The following CENPE variants were observed in gnomAD, a reference collection of about 807,000 sequenced individuals.
The protein encoded by CENPE is centromere-associated protein E.
In CENPE, 145 loss-of-function variants were observed where a neutral mutation model predicts 336.1. That is an observed-to-expected ratio of 0.43 (90% CI 0.38 to 0.50). The LOEUF is 0.50. Among genes scored for constraint, CENPE ranks in the 20% least tolerant of loss-of-function variants. CENPE has a pLI of 0.00. For missense variants in CENPE, 2,719 were observed against 3,023.3 expected, an observed-to-expected ratio of 0.90 and a Z score of 2.36; for synonymous variants, 1,013 against 984.8, an observed-to-expected ratio of 1.03 and a Z score of -0.54.
At chr4:103,146,143 A>C in intron 29 of CENPE, 36 bp from the exon 30 acceptor site, 1 of 1,575,536 alleles carries the variant, frequency 6.3e-7, no homozygotes, top group Non-Finnish European at 8.6e-7. Context: ...GTTGATATCC[A>C]GAGATATTGT....
Position 103,133,856 on chromosome 4 carries a change from G to C in CENPE, c.6559C>G (p.Gln2187Glu). ...LSYVTKIKEE[Q>E]HESINKFEMD... ...TCAAATTTATTGATGGATTCATGTT[G>C]TTCTTCTTTTATTTTTGTAACATAG... is the stretch of plus-strand genomic sequence containing the variant. Residue 2187 changes from glutamine (Q) to glutamate (E), a missense_variant, in exon 41 of 49, where the codon CAA (glutamine) becomes GAA (glutamate). Around this residue, in one of 5 missense-constraint regions of CENPE, gnomAD observed 2,437 missense variants for 2,513.3 expected, o/e 0.97. Coordinates refer to ENST00000265148, the MANE Select transcript of CENPE (RefSeq NM_001813.3). 6.3e-7 allele frequency: 1 copy of C among 1,593,898 alleles called. No homozygotes were observed.
intron 10 of CENPE, 89 bp downstream of exon 10, chr4:103,183,112 T>A: frequency 2.0e-6 from 2 of 985,416 alleles, no homozygotes; most frequent in Non-Finnish European, 1.5e-6. Flanking sequence ...AAGAAATCAG[T>A]ACATTTGAGT....
At chr4:103,122,021 A>C (rs968925314) in intron 43 of CENPE, among the ~76,000 whole-genome samples, 4 of 152,146 alleles carry the variant, frequency 2.6e-5, no homozygotes, top group African/African-American at 9.7e-5. Context: ...CATGTATTTT[A>C]TTATCTGCTA....
In CENPE at chr4:103,160,794, T is replaced by C. The variant is rs1400271710; in HGVS notation, c.2132-15A>G. On this transcript the variant is annotated splice_polypyrimidine_tract_variant and intron_variant, in intron 20 of 48. Transcript: ENST00000265148. ...ACAGAGCAAATCTAGAAAGTTTTGG[T>C]AAATTGTATAAAGATCCAATGTTGC... is the stretch of plus-strand genomic sequence containing the variant. 3 of 1,568,958 alleles carry C rather than the reference T, an allele frequency of 1.9e-6. No individual in the cohort carries two copies. The highest frequency in any genetic ancestry group is 2.3e-5 in the East Asian group (1 of 44,154).
intron 46 of CENPE, 65 bp downstream of exon 46, chr4:103,114,390 C>T (rs1387191041): frequency 2.1e-6 from 2 of 959,996 alleles, no homozygotes; most frequent in African/African-American, 1.6e-5. Flanking sequence ...TAATATTAGT[C>T]TTCAAAGTCT....
Position 103,196,801 on chromosome 4 carries a change from T to C in CENPE, c.106A>G (p.Asn36Asp). The change falls in exon 2 of 49, where the codon AAT becomes GAT. Residue 36 changes from asparagine (N) to aspartate (D), a missense_variant. Coordinates refer to ENST00000265148, the MANE Select transcript of CENPE (RefSeq NM_001813.3). The part of the protein sequence containing the change: ...TAQVYWKTDN[N>D]VIYQVDGSKS... ...CTTCCATCAACTTGATAAATGACAT[T>C]ATTGTCAGTTTTCCAGTAAACTTGG... 6.3e-7 allele frequency: 1 copy of C among 1,599,520 alleles called. No homozygotes were observed.
At position 103,183,257 on chromosome 4, in the gene CENPE, A is replaced by G; in HGVS notation, c.777T>C (p.Asn259=). Reference sequence around the variant, plus strand: ...CTTGTCCCAAAATAAATAAGCTTCGATTTATATTACAGCCTTCCTTGAGCC... The same window carrying G: ...CTTGTCCCAAAATAAATAAGCTTCGGTTTATATTACAGCCTTCCTTGAGCC... The part of the protein sequence containing the change: ...GVRLKEGCNI[N]RSLFILGQVI... Residue 259 remains asparagine, a synonymous_variant, in exon 10 of 49, where the codon AAT becomes AAC. Transcript: ENST00000265148. 2 of 1,613,252 alleles carry G rather than the reference A, an allele frequency of 1.2e-6. No individual in the cohort carries two copies. The highest frequency in any genetic ancestry group is 1.7e-6 in the Non-Finnish European group (2 of 1,179,596).
At chr4:103,177,988 T>C (rs949453197) in intron 13 of CENPE, among the ~76,000 whole-genome samples, 1 of 151,972 alleles carries the variant, frequency 6.6e-6, no homozygotes, top group Non-Finnish European at 1.5e-5. Context: ...AATCCCACTA[T>C]AGCTATTTAG....
chr4:103,174,010 A>G (rs541831784), intron 16 of CENPE, among the ~76,000 whole-genome samples: 6 of 152,050 alleles, frequency 3.9e-5, no homozygotes, highest in African/African-American at 9.6e-5. Context: ...CATGTACCCA[A>G]AGGAACTTAA....
intron 41 of CENPE, among the ~76,000 whole-genome samples, 163 bp from the exon 42 acceptor site, chr4:103,133,059 A>C (rs1751755738): frequency 6.7e-6 from 1 of 149,634 alleles, no homozygotes; most frequent in African/African-American, 2.5e-5. Flanking sequence ...ATTTTAAAGT[A>C]AACTAAGAAA....
chr4:103,135,400 T>C (rs1419041614), intron 40 of CENPE, among the ~76,000 whole-genome samples: 1 of 152,210 alleles, frequency 6.6e-6, no homozygotes, highest in African/African-American at 2.4e-5. Flanking sequence ...TTTTTTATTT[T>C]TGAATCTCAG....
chr4:103,163,555 T>G lies in CENPE; in HGVS notation c.1648-2A>C. 3.9e-6 allele frequency: 6 copies of G among 1,544,960 alleles called. No homozygotes were observed. Among genetic ancestry groups the G allele is most frequent in the Non-Finnish European group, 4.4e-6 (5 of 1,135,130 alleles). ...CGAAATTTCATGAATTAGTTGCATC[T>G]GTAAGAGCATGTGAACAGGTAACAG... On this transcript the variant is annotated splice_acceptor_variant, in intron 16 of 48. Transcript: ENST00000265148. LOFTEE classifies it high-confidence loss of function.
Position 103,145,341 on chromosome 4 carries a change from C to T in CENPE, c.4573-7G>A. The T allele has an allele frequency of 4.0e-6, 6 of 1,489,342 alleles. No homozygotes were observed. Among genetic ancestry groups the T allele is most frequent in the African/African-American group, 2.8e-5 (2 of 70,958 alleles). 92.3% of individuals were successfully genotyped at this position (1,489,342 alleles called of 1,614,324 possible). On this transcript the variant is annotated splice_polypyrimidine_tract_variant and splice_region_variant and intron_variant, in intron 31 of 48. Transcript: ENST00000265148. The stretch of plus-strand genomic sequence containing the variant: ...TCTCATAAATCTCTTGGATCTTAAA[C>T]ATAATTATAAAATAAGTTAATAGTC...
At chr4:103,159,931 G>A (rs1450504980) in intron 21 of CENPE, among the ~76,000 whole-genome samples, 1 of 151,830 alleles carries the variant, frequency 6.6e-6, no homozygotes, top group Non-Finnish European at 1.5e-5. Context: ...AAGAGATAAA[G>A]GAGGGACAAA....
Position 103,196,789 on chromosome 4 carries a change from G to T in CENPE, c.118C>A (p.Gln40Lys). The change falls in exon 2 of 49, where the codon CAA becomes AAA. Residue 40 changes from glutamine (Q) to lysine (K), a missense_variant. Around this residue, in one of 5 missense-constraint regions of CENPE, gnomAD observed 48 missense variants for 50.8 expected, o/e 0.94. Coordinates refer to ENST00000265148, the MANE Select transcript of CENPE (RefSeq NM_001813.3). ...TTGAAGGATTTACTTCCATCAACTT[G>T]ATAAATGACATTATTGTCAGTTTTC... ...YWKTDNNVIY[Q>K]VDGSKSFNFD... is the part of the protein sequence containing the mutation. 1 of 1,592,056 alleles carries T rather than the reference G, an allele frequency of 6.3e-7. No individual in the cohort carries two copies. Among genetic ancestry groups the T allele is most frequent in the Non-Finnish European group, 8.6e-7 (1 of 1,162,342 alleles).
intron 21 of CENPE, 99 bp downstream of exon 21, chr4:103,160,526 C>T: frequency 1.0e-6 from 1 of 956,298 alleles, no homozygotes; most frequent in Non-Finnish European, 1.6e-6. Flanking sequence ...TCTCTCTTGT[C>T]TGCTAGTTTA....
At chr4:103,132,541 A>C (rs1751678740) in intron 42 of CENPE, 152 bp downstream of exon 42, 1 of 422,398 alleles carries the variant, frequency 2.4e-6, no homozygotes, top group African/African-American at 2.1e-5. Context: ...AGGAAGAATA[A>C]TACATTAGAG....
At chr4:103,186,014 C>G (rs1207181866) in intron 8 of CENPE, among the ~76,000 whole-genome samples, 153 bp from the exon 9 acceptor site, 1 of 152,094 alleles carries the variant, frequency 6.6e-6, no homozygotes, top group East Asian at 1.9e-4. Context: ...CCTTTTTTCT[C>G]TGAGTCAAAC....
At chr4:103,111,394 AGGGTGGGAGGGCCACCCC>A (rs1488325949) in intron 46 of CENPE, among the ~76,000 whole-genome samples, 1 of 152,204 alleles carries the variant, frequency 6.6e-6, no homozygotes, top group Non-Finnish European at 1.5e-5. Context: ...GAGGTGAGGT[AGGGTGGGAGGGCCACCCC>A]GTCATTCAGT....
Sources: allele counts gnomAD v4.1 joint callset (sites outside exome capture counted in the v4.1 genomes callset), GRCh38; gene constraint gnomAD v4.1.1; regional missense constraint gnomAD v4.1.1; transcripts MANE v1.5; gene names NCBI Gene and HGNC (gene_info 2026-07-23, HGNC 2026-07-21).